The following APBB2 variants were observed in gnomAD, a reference collection of about 807,000 sequenced individuals.
APBB2 encodes amyloid beta precursor protein binding family B member 2.
Under a neutral mutation model 82.5 loss-of-function variants are expected in APBB2, and 38 were observed. The ratio of observed to expected loss-of-function variants is 0.46; its 90% CI spans 0.36 to 0.60. The LOEUF (loss-of-function observed/expected upper bound fraction) is 0.60. Among genes scored for constraint, APBB2 ranks in the 20% least tolerant of loss-of-function variants. The pLI is 0.00. For missense variants in APBB2, 772 were observed against 972.3 expected (o/e 0.79, Z 2.74); for synonymous variants, 341 against 368.2 (o/e 0.93, Z 0.85).
intron 1 of APBB2, among the ~76,000 whole-genome samples, chr4:41,150,755 T>C (rs946798779): frequency 1.3e-5 from 2 of 152,318 alleles, no homozygotes; most frequent in South Asian, 4.1e-4. Context: ...GTTTGTTTGT[T>C]CTTGAGACAG....
intron 10 of APBB2, among the ~76,000 whole-genome samples, chr4:40,916,060 G>C (rs1199299371): frequency 6.6e-6 from 1 of 152,200 alleles, no homozygotes; most frequent in Non-Finnish European, 1.5e-5. Flanking sequence ...ATGCAAAGGT[G>C]AAGTAAATAC....
At chr4:41,192,591 T>G (rs1370711372) in intron 1 of APBB2, among the ~76,000 whole-genome samples, 2 of 152,162 alleles carry the variant, frequency 1.3e-5, no homozygotes, top group East Asian at 3.9e-4. Flanking sequence ...AAAAAAAAAT[T>G]TAATATCAAA....
intron 12 of APBB2, among the ~76,000 whole-genome samples, chr4:40,873,259 C>T (rs1380555393): frequency 6.6e-6 from 1 of 152,130 alleles, no homozygotes; most frequent in Non-Finnish European, 1.5e-5. Context: ...AACTTAAGAT[C>T]TATATCTCCT....
At chr4:41,014,576 C>A in intron 5 of APBB2, 178 bp from the exon 6 acceptor site, 1 of 664,128 alleles carries the variant, frequency 1.5e-6, no homozygotes, top group South Asian at 2.1e-5. Flanking sequence ...TAAACAGGAG[C>A]AAATAAAGGG....
chr4:41,006,644 T>G (rs1012978330), intron 6 of APBB2, among the ~76,000 whole-genome samples: 1 of 152,116 alleles, frequency 6.6e-6, no homozygotes, highest in Admixed American at 6.5e-5. Context: ...TTTTGTATTT[T>G]TAGTAGAAAC....
chr4:41,140,930 G>A (rs1758940959), intron 2 of APBB2, among the ~76,000 whole-genome samples: 1 of 152,160 alleles, frequency 6.6e-6, no homozygotes, highest in African/African-American at 2.4e-5. Flanking sequence ...ATTACAATGA[G>A]TTGCAAAATT....
chr4:41,047,066 T>C (rs1052719392), intron 4 of APBB2, among the ~76,000 whole-genome samples: 4 of 152,208 alleles, frequency 2.6e-5, no homozygotes, highest in African/African-American at 4.8e-5. Flanking sequence ...ATTGCAAAAT[T>C]GTTGGTTTAT....
chr4:40,837,424 C>A (rs1011357045), intron 12 of APBB2, among the ~76,000 whole-genome samples: 5 of 152,232 alleles, frequency 3.3e-5, no homozygotes, highest in African/African-American at 1.2e-4. Context: ...TAACCGGGCG[C>A]CTCACACAGC....
At chr4:41,123,514 T>TA (rs1041578658) in intron 2 of APBB2, among the ~76,000 whole-genome samples, 2 of 152,094 alleles carry the variant, frequency 1.3e-5, no homozygotes, top group African/African-American at 4.8e-5. Flanking sequence ...CACTGCACAG[T>TA]AAACAATCAA....
In APBB2 at chr4:41,053,561, G is replaced by A. The variant is rs1331941527; in HGVS notation, c.-51+12015C>T. 2.6e-5 allele frequency among the ~76,000 whole-genome samples: 4 copies of A among 152,058 alleles called. No individual in the cohort carries two copies. The East Asian group carries it at 7.7e-4, about 29-fold the overall frequency. ...AAAAATTTAATAATACCATTACCCT[G>A]AAATCCAATAAAGCCTGTTGGAGCT... is the stretch of plus-strand genomic sequence containing the variant. On this transcript the variant is annotated intron_variant, in intron 4 of 17. Transcript: ENST00000508593.
At chr4:40,930,743 TTTTA>T (rs773161852) in intron 10 of APBB2, among the ~76,000 whole-genome samples, 5 of 152,278 alleles carry the variant, frequency 3.3e-5, no homozygotes, top group African/African-American at 9.6e-5. Context: ...CAAATATTAT[TTTTA>T]TTTATTTATT....
At chr4:40,918,775 GTTTGTT>G (rs1780538263) in intron 10 of APBB2, among the ~76,000 whole-genome samples, 1 of 71,984 alleles carries the variant, frequency 1.4e-5, no homozygotes, top group Non-Finnish European at 2.8e-5. Context: ...TTTTTTGTTT[GTTTGTT>G]TTTGTTTTTT....
At chr4:40,816,515 G>C (rs1242182447) in intron 17 of APBB2, among the ~76,000 whole-genome samples, 1 of 152,150 alleles carries the variant, frequency 6.6e-6, no homozygotes, top group Non-Finnish European at 1.5e-5. Context: ...CCTCTATATT[G>C]ATAGTCCGCA....
rs1247870846 is a variant in APBB2 at position 40,813,626 on chromosome 4, A to C, written c.*2466T>G. The C allele has an allele frequency of 3.3e-5, 5 of 152,230 alleles. No homozygotes were observed. The highest frequency in any genetic ancestry group is 1.2e-4 in the African/African-American group (5 of 41,464). The allele number at this position is 152,230 out of a possible 1,614,324, so 9.4% of individuals were successfully genotyped here. A position where few individuals can be genotyped will look rare whatever the true frequency, so the allele number is the denominator to read the frequency against. On this transcript the variant is annotated 3_prime_UTR_variant, in exon 18 of 18. Transcript: ENST00000508593. ...AAGTTTTCAATATGTAAAGGCTATC[A>C]TTCATCTTAATGCATCCTATAATTG...
At chr4:41,106,940 A>T (rs1012599455) in intron 2 of APBB2, among the ~76,000 whole-genome samples, 1 of 152,160 alleles carries the variant, frequency 6.6e-6, no homozygotes, top group Non-Finnish European at 1.5e-5. Flanking sequence ...GCTAATGCAG[A>T]CATGACAAAA....
In APBB2 at chr4:40,924,026, A is replaced by G. The variant is rs115624835; in HGVS notation, c.1254+10430T>C. On this transcript the variant is annotated intron_variant, in intron 10 of 17. Transcript: ENST00000508593. Reference sequence around the variant, plus strand: ...TGGCAGTGAGTGTCTGCACCACTCAACGGAAAAGCAGGATGGACAAGGGTC... The same window carrying G: ...TGGCAGTGAGTGTCTGCACCACTCAGCGGAAAAGCAGGATGGACAAGGGTC... Among the ~76,000 whole-genome samples, 431 of 152,358 alleles carry G rather than the reference A, an allele frequency of 2.8e-3. 1 individual carries two copies. The highest frequency in any genetic ancestry group is 9.9e-3 in the African/African-American group (410 of 41,588).
In APBB2 at chr4:40,993,355, T is replaced by TTC. The variant is rs371413861; in HGVS notation, c.835+20226_835+20227dup. Among the ~76,000 whole-genome samples the TTC allele has an allele frequency of 2.1e-3, 300 of 144,938 alleles. 44 individuals carry two copies. The highest frequency in any genetic ancestry group is 0.011 in the Middle Eastern group (3 of 282). On this transcript the variant is annotated intron_variant, in intron 6 of 17. Transcript: ENST00000508593. ...GGAGCACAGGAGCAATTAAGAACTC[T>TTC]TCTCTCTTTTTTTTTTTTTTTTTTT...
Position 40,832,049 on chromosome 4 carries a change from CACAT to C in APBB2, c.1530-1476_1530-1473del, listed in dbSNP as rs1408813503. Reference sequence around the variant, plus strand: ...ACACACACACACACACACACACACACACATATACACCAAGCTTTACCCATCTAGG... The same window carrying C: ...ACACACACACACACACACACACACACATACACCAAGCTTTACCCATCTAGG... On this transcript the variant is annotated intron_variant, in intron 12 of 17. Transcript: ENST00000508593. This position sits in a 1 kb window ranked among gnomAD's most constrained non-coding sequence, Gnocchi z 4.8. 9.9e-5 allele frequency among the ~76,000 whole-genome samples: 15 copies of C among 151,630 alleles called. No individual in the cohort carries two copies. Among genetic ancestry groups the C allele is most frequent in the East Asian group, 3.9e-4 (2 of 5,176 alleles).
chr4:40,934,737 GAGA>G, intron 8 of APBB2, 38 bp from the exon 9 acceptor site: 1 of 1,431,106 alleles, frequency 7.0e-7, no homozygotes, highest in Non-Finnish European at 9.8e-7. Context: ...TACAATGGGG[GAGA>G]AGACCATTCA....
Sources: gnomAD v4.1 joint callset for allele counts (sites outside exome capture counted in the v4.1 genomes callset) on GRCh38, gnomAD v4.1.1 for gene constraint, Gnocchi (gnomAD v3.1) non-coding constraint, MANE v1.5 for transcripts, NCBI Gene and HGNC (gene_info 2026-07-23, HGNC 2026-07-21) for gene names.